Variants in PIK3C2G observed in about 807,000 individuals in gnomAD.
PIK3C2G encodes phosphatidylinositol-4-phosphate 3-kinase catalytic subunit type 2 gamma.
A neutral mutation model predicts 181.1 loss-of-function variants in PIK3C2G; 168 were observed. The ratio of observed to expected loss-of-function variants is 0.93; its 90% CI spans 0.82 to 1.05. The LOEUF is 1.05. Among genes scored for constraint, PIK3C2G ranks in the 50% least tolerant of loss-of-function variants. PIK3C2G has a pLI of 0.00. For synonymous variants in PIK3C2G, 573 were observed against 592.2 expected, an observed-to-expected ratio of 0.97 and a Z score of 0.47; for missense variants, 1,869 against 1,732.8, an observed-to-expected ratio of 1.08 and a Z score of -1.40.
chr12:18,490,926 TA>T (rs1940507335), intron 19 of PIK3C2G, among the ~76,000 whole-genome samples: 1 of 152,210 alleles, frequency 6.6e-6, no homozygotes, highest in Non-Finnish European at 1.5e-5. Flanking sequence ...TGATGTCCAG[TA>T]AACTATTTGT....
chr12:18,641,322 C>T (rs1421056001), intron 32 of PIK3C2G, among the ~76,000 whole-genome samples: 2 of 152,148 alleles, frequency 1.3e-5, no homozygotes, highest in East Asian at 3.9e-4. Flanking sequence ...AATGTGGATT[C>T]TGACCTTTAT....
intron 1 of PIK3C2G, among the ~76,000 whole-genome samples, chr12:18,273,438 A>G (rs1948830653): frequency 6.6e-6 from 1 of 152,070 alleles, no homozygotes; most frequent in African/African-American, 2.4e-5. Flanking sequence ...TTGGCTTAGG[A>G]TTGACTTGGC....
At chr12:18,471,368 G>A (rs545873592) in intron 18 of PIK3C2G, among the ~76,000 whole-genome samples, 19 of 152,140 alleles carry the variant, frequency 1.2e-4, no homozygotes, top group Admixed American at 7.2e-4. Context: ...TGCTCTCCCC[G>A]GTGCTACCTA....
At chr12:18,708,928 G>C in the PIK3C2G span, among the ~76,000 whole-genome samples, 1 of 151,846 alleles carries the variant, frequency 6.6e-6, no homozygotes, top group Non-Finnish European at 1.5e-5. Flanking sequence ...CAGATACATG[G>C]TTTGCAAATA....
the PIK3C2G span, chr12:18,683,642 A>C: frequency 2.2e-6 from 3 of 1,364,122 alleles, no homozygotes; most frequent in Non-Finnish European, 2.9e-6. Context: ...CTGTTAGAAA[A>C]GTAAGCATAT....
intron 3 of PIK3C2G, among the ~76,000 whole-genome samples, chr12:18,287,665 G>A (rs1252624312): frequency 6.6e-6 from 1 of 151,588 alleles, no homozygotes; most frequent in Non-Finnish European, 1.5e-5. Flanking sequence ...AGACCAGCCT[G>A]GCCAAAGTGG....
intron 29 of PIK3C2G, among the ~76,000 whole-genome samples, chr12:18,570,195 T>C (rs1945851304): frequency 6.6e-6 from 1 of 151,730 alleles, no homozygotes; most frequent in African/African-American, 2.4e-5. Flanking sequence ...TACTTCTTTA[T>C]CCATAAATAA....
intron 30 of PIK3C2G, among the ~76,000 whole-genome samples, chr12:18,600,397 A>T (rs1947643568): frequency 6.6e-6 from 1 of 151,860 alleles, no homozygotes; most frequent in African/African-American, 2.4e-5. Context: ...AGAAACCATG[A>T]AAGACAAAAC....
the PIK3C2G span, among the ~76,000 whole-genome samples, chr12:18,698,670 A>G: frequency 1.3e-5 from 2 of 152,138 alleles, no homozygotes; most frequent in South Asian, 4.1e-4. Context: ...ATAGATAAAT[A>G]TATTTATGGA....
At chr12:18,386,277 A>C (rs1943167154) in intron 14 of PIK3C2G, among the ~76,000 whole-genome samples, 1 of 152,188 alleles carries the variant, frequency 6.6e-6, no homozygotes. Flanking sequence ...CTTTTAAAAA[A>C]CAGCTTTCTT....
intron 18 of PIK3C2G, among the ~76,000 whole-genome samples, chr12:18,478,561 G>C (rs1217377512): frequency 6.6e-6 from 1 of 152,190 alleles, no homozygotes; most frequent in Non-Finnish European, 1.5e-5. Flanking sequence ...AGTGAAGAAG[G>C]GGTGGAGGAG....
intron 32 of PIK3C2G, among the ~76,000 whole-genome samples, chr12:18,642,816 G>GTGTGTGTGTGTGTGTGTC (rs34243563): frequency 5.4e-5 from 8 of 148,852 alleles, no homozygotes; most frequent in Admixed American, 2.7e-4. Flanking sequence ...GTGTGTGTGT[G>GTGTGTGTGTGTGTGTGTC]TGTGTGTATA....
chr12:18,330,203 A>C (rs146644634), intron 8 of PIK3C2G, among the ~76,000 whole-genome samples: 3 of 152,224 alleles, frequency 2.0e-5, no homozygotes, highest in African/African-American at 7.2e-5. Flanking sequence ...ACCCATGTTA[A>C]GTGGGTAGTT....
At chr12:18,590,567 T>C (rs1194738023) in intron 29 of PIK3C2G, among the ~76,000 whole-genome samples, 1 of 151,824 alleles carries the variant, frequency 6.6e-6, no homozygotes, top group Non-Finnish European at 1.5e-5. Context: ...TCAATACCAG[T>C]GGAGAACACC....
intron 31 of PIK3C2G, among the ~76,000 whole-genome samples, chr12:18,624,395 T>C (rs536845952): frequency 3.2e-4 from 48 of 151,944 alleles, no homozygotes; most frequent in Middle Eastern, 3.4e-3. Context: ...TTGTTCGTCG[T>C]CAATGATCCT....
chr12:18,519,710 A>G lies in PIK3C2G; in HGVS notation c.3323+14249A>G, dbSNP rs560519318. Among the ~76,000 whole-genome samples the G allele has an allele frequency of 2.2e-5, 3 of 138,982 alleles. No individual in the cohort carries two copies. The East Asian group carries it at 5.8e-4, about 27-fold the overall frequency. The allele number at this position is 138,982 out of a possible 152,430, so 91.2% of individuals were successfully genotyped here. A position where few individuals can be genotyped will look rare whatever the true frequency, so the allele number is the denominator to read the frequency against. On this transcript the variant is annotated intron_variant, in intron 24 of 32. Coordinates refer to ENST00000538779, the MANE Select transcript of PIK3C2G (RefSeq NM_001288772.2). ...GTCTTTTAGTTGGGACATTTAGCCC[A>G]TTTACATTTAAGATTAATATTGTTA...
At position 18,630,998 on chromosome 12, in the gene PIK3C2G, A is replaced by T. The variant is rs1003740678; in HGVS notation, c.4183-9431A>T. ...ATGCAGCCAGAGTTTAAAAAAAAAA[A>T]TTGCAGTGTAAGACATTTAGACAAG... On this transcript the variant is annotated intron_variant, in intron 31 of 32. Coordinates refer to ENST00000538779, the MANE Select transcript of PIK3C2G (RefSeq NM_001288772.2). Among the ~76,000 whole-genome samples, 8 of 152,074 alleles carry T rather than the reference A, an allele frequency of 5.3e-5. No individual in the cohort carries two copies. In the South Asian group the frequency reaches 1.2e-3, roughly 24 times the overall value.
intron 12 of PIK3C2G, among the ~76,000 whole-genome samples, chr12:18,366,548 A>T (rs943428350): frequency 5.3e-5 from 8 of 152,112 alleles, no homozygotes; most frequent in African/African-American, 1.7e-4. Context: ...AAATAAATAA[A>T]TAATTAAAAG....
chr12:18,247,996 T>C (rs1948058223), exon 1 of PIK3C2G: 1 of 146,810 alleles, frequency 6.8e-6, no homozygotes, highest in Non-Finnish European at 1.5e-5. Context: ...AAGCAGAAAC[T>C]AACTACCTGG....
Sources: allele counts gnomAD v4.1 joint callset (sites outside exome capture counted in the v4.1 genomes callset), GRCh38; gene constraint gnomAD v4.1.1; transcripts MANE v1.5; gene names NCBI Gene and HGNC (gene_info 2026-07-23, HGNC 2026-07-21).